The following EYA2 variants were observed in gnomAD, a reference collection of about 807,000 sequenced individuals.
EYA2 encodes the protein protein phosphatase EYA2.
EYA2 carries 31 observed loss-of-function variants against 69.2 expected under a neutral mutation model. That is an observed-to-expected ratio of 0.45 (90% CI 0.34 to 0.60). EYA2 has a LOEUF of 0.60. EYA2 is among the 20% of genes least tolerant of loss of function. EYA2 has a pLI of 0.02. For missense variants in EYA2, 622 were observed against 701.2 expected (o/e 0.89, Z 1.28); for synonymous variants, 257 against 279.4 (o/e 0.92, Z 0.80).
intron 10 of EYA2, among the ~76,000 whole-genome samples, chr20:47,167,569 C>G (rs1351944064): frequency 6.6e-6 from 1 of 152,116 alleles, no homozygotes; most frequent in African/African-American, 2.4e-5. Flanking sequence ...CAGGTGTAAG[C>G]CACCACACCT....
intron 5 of EYA2, among the ~76,000 whole-genome samples, chr20:47,027,199 C>T (rs999401293): frequency 6.6e-6 from 1 of 152,218 alleles, no homozygotes; most frequent in African/African-American, 2.4e-5. Context: ...GTGGCCTCCT[C>T]ATGGTGAAAT....
chr20:47,181,005 T>C, intron 14 of EYA2, 69 bp downstream of exon 14: 1 of 1,568,278 alleles, frequency 6.4e-7, no homozygotes, highest in Non-Finnish European at 8.6e-7. Flanking sequence ...ATCCTGGGAA[T>C]GGGGTGTTTA....
intron 7 of EYA2, among the ~76,000 whole-genome samples, chr20:47,088,459 T>C (rs1234728523): frequency 6.6e-6 from 1 of 152,114 alleles, no homozygotes; most frequent in Non-Finnish European, 1.5e-5. Context: ...TGTAAATGCA[T>C]AACTCCTCCA....
intron 11 of EYA2, among the ~76,000 whole-genome samples, chr20:47,171,908 A>G (rs996868961): frequency 1.3e-5 from 2 of 152,058 alleles, no homozygotes; most frequent in Non-Finnish European, 2.9e-5. Flanking sequence ...CCTGGCCAAC[A>G]TGGTGAAACC....
intron 8 of EYA2, among the ~76,000 whole-genome samples, chr20:47,094,046 G>A (rs1381968531): frequency 4.6e-5 from 7 of 152,160 alleles, no homozygotes; most frequent in Non-Finnish European, 1.0e-4. Context: ...GGTTAAGGAC[G>A]CACCCTGGTC....
At chr20:47,100,672 A>C in intron 9 of EYA2, among the ~76,000 whole-genome samples, 1 of 152,230 alleles carries the variant, frequency 6.6e-6, no homozygotes, top group East Asian at 1.9e-4. Flanking sequence ...AACTGAGGTG[A>C]AAAGCTGTTA....
At chr20:47,108,322 C>T (rs2032649584) in intron 9 of EYA2, among the ~76,000 whole-genome samples, 1 of 152,138 alleles carries the variant, frequency 6.6e-6, no homozygotes, top group Non-Finnish European at 1.5e-5. Flanking sequence ...CAGCTCCCTC[C>T]ACTCTCTCTC....
chr20:46,994,657 G>C (rs1363118248), intron 2 of EYA2, among the ~76,000 whole-genome samples: 1 of 152,120 alleles, frequency 6.6e-6, no homozygotes, highest in African/African-American at 2.4e-5. Context: ...GTGCTGGCCT[G>C]GGGAACCACA....
intron 9 of EYA2, among the ~76,000 whole-genome samples, chr20:47,112,893 A>G (rs1398295637): frequency 3.1e-5 from 1 of 32,738 alleles, no homozygotes; most frequent in African/African-American, 6.8e-5. Flanking sequence ...TTTTTTTGAG[A>G]CGGAGTCTTA....
chr20:47,145,493 A>G (rs6018300), intron 10 of EYA2, among the ~76,000 whole-genome samples: 137 of 152,288 alleles, frequency 9.0e-4, no homozygotes, highest in African/African-American at 3.2e-3. Context: ...AGCTCATTCT[A>G]AGTGCCTTGG....
At chr20:47,075,953 T>C (rs1445686460) in intron 7 of EYA2, among the ~76,000 whole-genome samples, 1 of 152,208 alleles carries the variant, frequency 6.6e-6, no homozygotes, top group Non-Finnish European at 1.5e-5. Flanking sequence ...GAACATGTGG[T>C]ATTTGGTTTT....
At chr20:47,178,558 T>TG (rs1166938116) in intron 12 of EYA2, among the ~76,000 whole-genome samples, 1 of 151,126 alleles carries the variant, frequency 6.6e-6, no homozygotes, top group African/African-American at 2.5e-5. Flanking sequence ...ATCATGCTGC[T>TG]GGGGGTTTTG....
chr20:46,904,194 G>A (rs1247537359), intron 1 of EYA2, among the ~76,000 whole-genome samples: 2 of 152,114 alleles, frequency 1.3e-5, no homozygotes, highest in African/African-American at 4.8e-5. Flanking sequence ...TGTTCCTGGG[G>A]TGGTTGGGAG....
chr20:47,158,748 A>T (rs2034006757), intron 10 of EYA2, among the ~76,000 whole-genome samples: 1 of 152,014 alleles, frequency 6.6e-6, no homozygotes, highest in Non-Finnish European at 1.5e-5. Context: ...AGGAAAACCC[A>T]AAGTGATACG....
chr20:47,107,701 AAAGAG>A (rs1226071490), intron 9 of EYA2, among the ~76,000 whole-genome samples: 2 of 151,570 alleles, frequency 1.3e-5, no homozygotes, highest in African/African-American at 4.8e-5. Context: ...AGAAAAAACA[AAAGAG>A]AAGAAGGAAG....
chr20:47,035,140 A>T (rs988977582), intron 5 of EYA2, among the ~76,000 whole-genome samples: 2 of 152,200 alleles, frequency 1.3e-5, no homozygotes, highest in Non-Finnish European at 2.9e-5. Flanking sequence ...GCTGAGCTGC[A>T]AGAGGCTTGG....
At chr20:47,185,276 CTTTTTTTTTTTTTTTTTTTTT>C (rs765083065) in intron 15 of EYA2, among the ~76,000 whole-genome samples, 27 of 55,934 alleles carry the variant, frequency 4.8e-4, no homozygotes, top group East Asian at 1.3e-3. Flanking sequence ...GAATCACACT[CTTTTTTTTTTTTTTTTTTTTT>C]TTTTTTTTTT....
chr20:47,150,622 C>T (rs1044549179), intron 10 of EYA2, among the ~76,000 whole-genome samples: 4 of 151,968 alleles, frequency 2.6e-5, no homozygotes, highest in African/African-American at 9.6e-5. Flanking sequence ...CAGGCGTCAC[C>T]ATGCTCCGCT....
intron 1 of EYA2, among the ~76,000 whole-genome samples, chr20:46,957,529 T>TCA (rs74176892): frequency 0.017 from 333 of 20,010 alleles, 3 homozygotes; most frequent in East Asian, 0.032. Context: ...GAAGGAGATT[T>TCA]CACACACACA....
Sources: gnomAD v4.1 joint callset for allele counts (sites outside exome capture counted in the v4.1 genomes callset) on GRCh38, gnomAD v4.1.1 for gene constraint, MANE v1.5 for transcripts, NCBI Gene and HGNC (gene_info 2026-07-23, HGNC 2026-07-21) for gene names.